Variants in STK24 observed in about 807,000 individuals in gnomAD.
The protein encoded by STK24 is serine/threonine kinase 24.
In STK24, 21 loss-of-function variants were observed where a neutral mutation model predicts 55.6. That is an observed-to-expected ratio of 0.38 (90% CI 0.27 to 0.54). STK24 has a LOEUF of 0.54. Ranked by LOEUF, STK24 falls within the 20% of genes least tolerant of loss-of-function variation. The pLI is 0.79. For missense variants in STK24, 383 were observed against 538.4 expected, an observed-to-expected ratio of 0.71 and a Z score of 2.86; for synonymous variants, 200 against 215.2, an observed-to-expected ratio of 0.93 and a Z score of 0.62.
chr13:98,564,464 C>T (rs2077401195), intron 1 of STK24, among the ~76,000 whole-genome samples: 1 of 152,064 alleles, frequency 6.6e-6, no homozygotes, highest in Non-Finnish European at 1.5e-5. Context: ...GTTCAAAGGC[C>T]CAGGAACAGG....
intron 1 of STK24, among the ~76,000 whole-genome samples, chr13:98,564,962 G>T (rs75347699): frequency 0.024 from 3,632 of 152,192 alleles, 157 homozygotes; most frequent in African/African-American, 0.083. Context: ...TGCTAAAATC[G>T]CAAAGGCTCT....
chr13:98,465,266 G>A (rs1391287121), intron 6 of STK24, among the ~76,000 whole-genome samples: 1 of 152,234 alleles, frequency 6.6e-6, no homozygotes, highest in Non-Finnish European at 1.5e-5. Flanking sequence ...ATCACCTCAA[G>A]TATTCTCCCT....
chr13:98,455,780 G>A (rs1893428042), intron 10 of STK24: 1 of 152,290 alleles, frequency 6.6e-6, no homozygotes. Context: ...TCTGGACAGT[G>A]TGGAAAGTAT....
chr13:98,458,829 A>G (rs945916900), intron 9 of STK24, among the ~76,000 whole-genome samples: 1 of 152,188 alleles, frequency 6.6e-6, no homozygotes, highest in African/African-American at 2.4e-5. Flanking sequence ...CGTCTCCTCA[A>G]TGTCCTCATC....
intron 2 of STK24, among the ~76,000 whole-genome samples, chr13:98,497,020 G>C (rs987983257): frequency 6.6e-6 from 1 of 152,110 alleles, no homozygotes; most frequent in Non-Finnish European, 1.5e-5. Context: ...GTTGGGACCC[G>C]CATTTCTAGG....
chr13:98,522,707 G>A (rs115939420), intron 1 of STK24, among the ~76,000 whole-genome samples: 1 of 152,196 alleles, frequency 6.6e-6, no homozygotes, highest in Non-Finnish European at 1.5e-5. Flanking sequence ...GCAAGCTGAA[G>A]AGTCAGGGGC....
chr13:98,505,506 A>T (rs1895651522), intron 2 of STK24, among the ~76,000 whole-genome samples: 1 of 152,246 alleles, frequency 6.6e-6, no homozygotes, highest in Non-Finnish European at 1.5e-5. Context: ...CTTGTCATTG[A>T]CCTATCTCCA....
rs181161548 is a variant in STK24, at chr13:98,569,163, C to T, written c.42+7582G>A. 3.3e-5 allele frequency among the ~76,000 whole-genome samples: 5 copies of T among 152,256 alleles called. No homozygotes were observed. In the East Asian group the frequency reaches 5.8e-4, roughly 18 times the overall value. ...CAGCACAGCCTGCACACACAGAAGC[C>T]GGTGCTGGCAGGGCCTCCATCTTCA... On this transcript the variant is annotated intron_variant, in intron 1 of 10. Transcript: ENST00000539966.
rs1399484139 is a variant in STK24, at chr13:98,576,851, G to C, written c.-65C>G. 9.2e-5 allele frequency: 96 copies of C among 1,042,926 alleles called. No individual in the cohort carries two copies. The highest frequency in any genetic ancestry group is 1.1e-4 in the Non-Finnish European group (95 of 866,240). 64.6% of individuals were successfully genotyped at this position (1,042,926 alleles called of 1,614,324 possible). A position where few individuals can be genotyped will look rare whatever the true frequency, so the allele number is the denominator to read the frequency against. On this transcript the variant is annotated 5_prime_UTR_variant, in exon 1 of 11. Transcript: ENST00000539966. ...GCCGCGACGATCCGCGCGGGGCGGC[G>C]AGGCCCGCGGGCCGCGCGCAGCCCT...
In STK24 at chr13:98,449,652, C is replaced by T. The variant is rs1224857061; in HGVS notation, c.*3521G>A. On this transcript the variant is annotated 3_prime_UTR_variant, in exon 11 of 11. Coordinates refer to ENST00000539966, the MANE Select transcript of STK24 (RefSeq NM_001032296.4). ...CAGCAACTTGCAAACGGACGAAGAG[C>T]CTGCCGTGTGTTAATCATTTGCCTT... The T allele has an allele frequency of 2.0e-5, 3 of 152,602 alleles. No individual in the cohort carries two copies. The highest frequency in any genetic ancestry group is 2.0e-4 in the Admixed American group (3 of 15,280). The allele number at this position is 152,602 out of a possible 1,614,324, so 9.5% of individuals were successfully genotyped here.
chr13:98,452,225 G>C lies in STK24; in HGVS notation c.*948C>G, dbSNP rs1236592674. The C allele has an allele frequency of 6.6e-6, 1 of 152,202 alleles. No individual in the cohort carries two copies. The highest frequency in any genetic ancestry group is 6.5e-5 in the Admixed American group (1 of 15,272). 9.4% of individuals were successfully genotyped at this position (152,202 alleles called of 1,614,324 possible). On this transcript the variant is annotated 3_prime_UTR_variant, in exon 11 of 11. Coordinates refer to ENST00000539966, the MANE Select transcript of STK24 (RefSeq NM_001032296.4). ...TTTTAGGTGGGAAAGATGATATGCA[G>C]AATCCACTACAAGGTGCAACAGAAA...
At chr13:98,487,874 T>C (rs1271274542) in intron 2 of STK24, among the ~76,000 whole-genome samples, 2 of 152,170 alleles carry the variant, frequency 1.3e-5, no homozygotes, top group African/African-American at 4.8e-5. Context: ...TACTGACAAG[T>C]GACCCTCCAA....
chr13:98,550,970 T>C (rs1276137640), intron 1 of STK24, among the ~76,000 whole-genome samples: 1 of 151,890 alleles, frequency 6.6e-6, no homozygotes, highest in Non-Finnish European at 1.5e-5. Context: ...AATACATGCA[T>C]ATATATTGTG....
chr13:98,465,362 TG>T (rs1433575050), intron 6 of STK24, among the ~76,000 whole-genome samples: 2 of 152,052 alleles, frequency 1.3e-5, no homozygotes, highest in African/African-American at 2.4e-5. Context: ...AGCTGTGGGG[TG>T]GAGCTCTGTG....
intron 2 of STK24, among the ~76,000 whole-genome samples, chr13:98,488,967 A>G (rs1413787019): frequency 6.6e-6 from 1 of 152,240 alleles, no homozygotes; most frequent in Non-Finnish European, 1.5e-5. Flanking sequence ...AGGTATAAAC[A>G]ATGCAGCGGG....
At chr13:98,482,360 G>T in intron 2 of STK24, 39 bp from the exon 3 acceptor site, 1 of 1,308,296 alleles carries the variant, frequency 7.6e-7, no homozygotes, top group South Asian at 1.3e-5. Context: ...TTTTCAAAAT[G>T]AATCCAGGAA....
In STK24 at chr13:98,576,805, T is replaced by G. The variant is rs1897912630; in HGVS notation, c.-19A>C. 1 of 1,347,196 alleles carries G rather than the reference T, an allele frequency of 7.4e-7. No homozygotes were observed. The highest frequency in any genetic ancestry group is 1.5e-5 in the African/African-American group (1 of 64,878). 83.5% of individuals were successfully genotyped at this position (1,347,196 alleles called of 1,614,324 possible). A position where few individuals can be genotyped will look rare whatever the true frequency, so the allele number is the denominator to read the frequency against. ...GAGCCATGGCGCTCAGGACGGCCAC[T>G]TCCTGGGACGGGACGGCCGGGCCGC... On this transcript the variant is annotated 5_prime_UTR_variant, in exon 1 of 11. Transcript: ENST00000539966.
intron 2 of STK24, among the ~76,000 whole-genome samples, chr13:98,513,190 G>A (rs912333304): frequency 6.6e-6 from 1 of 152,340 alleles, no homozygotes; most frequent in African/African-American, 2.4e-5. Flanking sequence ...GGCAAAGCCT[G>A]CACTGGGTCC....
intron 1 of STK24, among the ~76,000 whole-genome samples, chr13:98,527,850 C>G (rs1896476117): frequency 6.6e-6 from 1 of 152,206 alleles, no homozygotes; most frequent in South Asian, 2.1e-4. Context: ...AGGGGAGGGA[C>G]AGTCATCACC....
Sources: allele counts gnomAD v4.1 joint callset (sites outside exome capture counted in the v4.1 genomes callset), GRCh38; gene constraint gnomAD v4.1.1; transcripts MANE v1.5; gene names NCBI Gene and HGNC (gene_info 2026-07-23, HGNC 2026-07-21).